The following PITPNM3 variants were observed in gnomAD, a reference collection of about 807,000 sequenced individuals.
PITPNM3 encodes membrane-associated phosphatidylinositol transfer protein 3.
A neutral mutation model predicts 102.0 loss-of-function variants in PITPNM3; 26 were observed. The ratio of observed to expected loss-of-function variants is 0.25; its 90% CI spans 0.19 to 0.35. PITPNM3 has a LOEUF of 0.35. Ranked by LOEUF, PITPNM3 falls within the 10% of genes least tolerant of loss-of-function variation. The probability of loss-of-function intolerance (pLI) is 1.00; values close to 1 mark genes in which losing one functional copy is unlikely to be tolerated. For synonymous variants in PITPNM3, 578 were observed against 558.6 expected, an observed-to-expected ratio of 1.03 and a Z score of -0.49; for missense variants, 1,083 against 1,346.1, an observed-to-expected ratio of 0.80 and a Z score of 3.06.
intron 3 of PITPNM3, among the ~76,000 whole-genome samples, chr17:6,520,811 G>A (rs1011894324): frequency 6.6e-6 from 1 of 152,158 alleles, no homozygotes; most frequent in Non-Finnish European, 1.5e-5. Flanking sequence ...CCCCAAAATG[G>A]AATAAAGTAC....
intron 10 of PITPNM3, among the ~76,000 whole-genome samples, chr17:6,473,972 A>G (rs967966261): frequency 7.1e-4 from 49 of 69,302 alleles, no homozygotes; most frequent in Non-Finnish European, 1.2e-3. Flanking sequence ...GTGAGACTCC[A>G]TCTCAAAAAA....
chr17:6,498,709 G>A (rs977783765), intron 4 of PITPNM3, among the ~76,000 whole-genome samples: 1 of 152,288 alleles, frequency 6.6e-6, no homozygotes, highest in Non-Finnish European at 1.5e-5. Context: ...AGGCTGATTT[G>A]ATAGTGGATG....
chr17:6,480,567 T>C (rs1905606581), intron 6 of PITPNM3: 1 of 152,270 alleles, frequency 6.6e-6, no homozygotes, highest in Non-Finnish European at 1.5e-5. Flanking sequence ...CCCCGGGGTA[T>C]GAGGGCTCTG....
chr17:6,474,617 G>A lies in PITPNM3; in HGVS notation c.1086-13C>T, dbSNP rs1205446800. On this transcript the variant is annotated splice_polypyrimidine_tract_variant and intron_variant, in intron 9 of 19. Transcript: ENST00000262483. Reference sequence around the variant, plus strand: ...GCTGGAGTGGATGCTGCGGAGGGAGGAGGACGCAGGGCAGGGCAGGTCAGG... The same window carrying A: ...GCTGGAGTGGATGCTGCGGAGGGAGAAGGACGCAGGGCAGGGCAGGTCAGG... 4.5e-6 allele frequency: 7 copies of A among 1,553,900 alleles called. No homozygotes were observed. Among genetic ancestry groups the A allele is most frequent in the Non-Finnish European group, 3.5e-6 (4 of 1,149,538 alleles).
chr17:6,550,857 G>A (rs961181312), intron 1 of PITPNM3, among the ~76,000 whole-genome samples: 2 of 152,192 alleles, frequency 1.3e-5, no homozygotes, highest in African/African-American at 2.4e-5. Context: ...TCACAGGCTT[G>A]AGGTGGAACC....
intron 6 of PITPNM3, among the ~76,000 whole-genome samples, chr17:6,482,538 A>G (rs144419233): frequency 0.014 from 2,206 of 152,206 alleles, 59 homozygotes; most frequent in African/African-American, 0.05. Context: ...AATTAATTGA[A>G]CCCAGTGACA....
rs549418076 is a variant in PITPNM3 at position 6,470,519 on chromosome 17, G to A, written c.1625-111C>T. The stretch of plus-strand genomic sequence containing the variant: ...GTGGTGGATGCCCCACGTGGGGCAC[G>A]GGTTTGGGCGGGAGCACCCTGGCCT... On this transcript the variant is annotated intron_variant, in intron 12 of 19. Transcript: ENST00000262483. This position sits in a 1 kb window ranked among gnomAD's most constrained non-coding sequence, Gnocchi z 4.8. 31 of 1,417,304 alleles carry A rather than the reference G, an allele frequency of 2.2e-5. No individual in the cohort carries two copies. The highest frequency in any genetic ancestry group is 5.4e-5 in the Admixed American group (3 of 55,678). The allele number at this position is 1,417,304 out of a possible 1,614,324, so 87.8% of individuals were successfully genotyped here.
Position 6,556,446 on chromosome 17 carries a change from T to G in PITPNM3, c.-40A>C, listed in dbSNP as rs886053302. 90 of 1,213,304 alleles carry G rather than the reference T, an allele frequency of 7.4e-5. No homozygotes were observed. The East Asian group carries it at 3.1e-3, about 41-fold the overall frequency. The allele number at this position is 1,213,304 out of a possible 1,614,324, so 75.2% of individuals were successfully genotyped here. On this transcript the variant is annotated 5_prime_UTR_variant, in exon 1 of 20. Transcript: ENST00000262483. The surrounding 1 kb of genome is among the most constrained non-coding windows in gnomAD (Gnocchi z 5.2). ...GCTCCGGCGGCGCTACGCGCGCTCC[T>G]CGCGCTTCCCGGGCCCGGCCCCGAC...
chr17:6,499,578 TC>T (rs1907045133), intron 4 of PITPNM3, among the ~76,000 whole-genome samples: 1 of 152,168 alleles, frequency 6.6e-6, no homozygotes, highest in African/African-American at 2.4e-5. Context: ...CCAAGGCACA[TC>T]CGTCCAGTAA....
At position 6,485,848 on chromosome 17, in the gene PITPNM3, T is replaced by G. The variant is rs531615142; in HGVS notation, c.275-1556A>C. Among the ~76,000 whole-genome samples the G allele has an allele frequency of 2.7e-4, 41 of 152,360 alleles. No individual in the cohort carries two copies. The East Asian group carries it at 6.9e-3, about 26-fold the overall frequency. Reference sequence around the variant, plus strand: ...TGGACCAAATCTGCCCCACTGCCTGTTTTTGTAAATAAAGTTTTATTGGAA... The same window carrying G: ...TGGACCAAATCTGCCCCACTGCCTGGTTTTGTAAATAAAGTTTTATTGGAA... On this transcript the variant is annotated intron_variant, in intron 4 of 19. Coordinates refer to ENST00000262483, the MANE Select transcript of PITPNM3 (RefSeq NM_031220.4).
intron 1 of PITPNM3, among the ~76,000 whole-genome samples, chr17:6,541,305 G>GTGTGTGTT (rs892942711): frequency 1.3e-5 from 2 of 151,702 alleles, no homozygotes; most frequent in Non-Finnish European, 2.9e-5. Context: ...GTGTGTGTGT[G>GTGTGTGTT]TGTGTGTGTG....
intron 14 of PITPNM3, among the ~76,000 whole-genome samples, chr17:6,465,904 A>G (rs1243282107): frequency 6.6e-6 from 1 of 152,170 alleles, no homozygotes; most frequent in Non-Finnish European, 1.5e-5. Flanking sequence ...GGATGCTGCT[A>G]ACAGCTCCCT....
At chr17:6,552,517 G>A (rs910437354) in intron 1 of PITPNM3, among the ~76,000 whole-genome samples, 8 of 152,192 alleles carry the variant, frequency 5.3e-5, no homozygotes, top group South Asian at 2.1e-4. Context: ...GGGATCTGTC[G>A]AAACACAGTG....
At chr17:6,525,280 CCA>C in intron 3 of PITPNM3, 74 bp downstream of exon 3, 1 of 1,317,088 alleles carries the variant, frequency 7.6e-7, no homozygotes, top group East Asian at 2.3e-5. Flanking sequence ...AGCCCCAGCC[CCA>C]GTCACCAGCC....
At chr17:6,552,026 C>G (rs184333333) in intron 1 of PITPNM3, among the ~76,000 whole-genome samples, 1 of 152,306 alleles carries the variant, frequency 6.6e-6, no homozygotes, top group African/African-American at 2.4e-5. Flanking sequence ...CCATTGTTAA[C>G]GAGGACTTGG....
chr17:6,480,319 C>T (rs1337266753), intron 6 of PITPNM3: 1 of 152,196 alleles, frequency 6.6e-6, no homozygotes, highest in East Asian at 1.9e-4. Context: ...TGACTTTCCC[C>T]CAATCTAGAG....
intron 3 of PITPNM3, 77 bp downstream of exon 3, chr17:6,525,279 C>G: frequency 7.6e-7 from 1 of 1,307,398 alleles, no homozygotes. Context: ...AAGCCCCAGC[C>G]CCAGTCACCA....
intron 1 of PITPNM3, among the ~76,000 whole-genome samples, chr17:6,555,212 C>T (rs1433179450): frequency 6.6e-6 from 1 of 152,296 alleles, no homozygotes; most frequent in African/African-American, 2.4e-5. Context: ...CACAACCGGC[C>T]CCACCCCGAC....
In PITPNM3 at chr17:6,470,734, CTA is replaced by C. The variant is rs971484391; in HGVS notation, c.1625-328_1625-327del. On this transcript the variant is annotated intron_variant, in intron 12 of 19. Transcript: ENST00000262483. The surrounding 1 kb of genome is among the most constrained non-coding windows in gnomAD (Gnocchi z 4.8). Reference sequence around the variant, plus strand: ...GCTCTGCCTGAAGTTGGCGCTGAGTCTATGTCTGGAAGGTTCAGCACTTCCTT... The same window carrying C: ...GCTCTGCCTGAAGTTGGCGCTGAGTCTGTCTGGAAGGTTCAGCACTTCCTT... 3.3e-5 allele frequency among the ~76,000 whole-genome samples: 5 copies of C among 152,186 alleles called. No homozygotes were observed. Among genetic ancestry groups the C allele is most frequent in the African/African-American group, 9.6e-5 (4 of 41,454 alleles).
Sources: allele counts gnomAD v4.1 joint callset (sites outside exome capture counted in the v4.1 genomes callset), GRCh38; gene constraint gnomAD v4.1.1; non-coding constraint Gnocchi (gnomAD v3.1); transcripts MANE v1.5; gene names NCBI Gene and HGNC (gene_info 2026-07-23, HGNC 2026-07-21).